ARHGAP15: variants seen among roughly 807,000 people sequenced by gnomAD.
ARHGAP15 encodes the protein rho GTPase-activating protein 15.
A neutral mutation model predicts 63.7 loss-of-function variants in ARHGAP15; 51 were observed. The ratio of observed to expected loss-of-function variants is 0.80; its 90% CI spans 0.64 to 1.01. ARHGAP15 has a LOEUF of 1.01. Ranked by LOEUF, ARHGAP15 falls within the 50% of genes least tolerant of loss-of-function variation. The probability of loss-of-function intolerance (pLI) is 0.00; values close to 1 mark genes in which losing one functional copy is unlikely to be tolerated. For missense variants in ARHGAP15, 560 were observed against 564.6 expected (o/e 0.99, Z 0.08); for synonymous variants, 191 against 193.8 (o/e 0.99, Z 0.12).
intron 6 of ARHGAP15, among the ~76,000 whole-genome samples, chr2:143,280,276 C>G (rs1681775984): frequency 6.6e-6 from 1 of 152,010 alleles, no homozygotes; most frequent in Non-Finnish European, 1.5e-5. Context: ...ACTCAATCTG[C>G]CAGGCATCAG....
chr2:143,602,381 G>T (rs1038934279), intron 11 of ARHGAP15, among the ~76,000 whole-genome samples: 7 of 152,138 alleles, frequency 4.6e-5, no homozygotes, highest in Admixed American at 3.3e-4. Context: ...GAGATGACCT[G>T]CTTGTTCCTG....
At chr2:143,385,449 T>A (rs1162650681) in intron 6 of ARHGAP15, among the ~76,000 whole-genome samples, 1 of 152,156 alleles carries the variant, frequency 6.6e-6, no homozygotes, top group Non-Finnish European at 1.5e-5. Flanking sequence ...AGGCATATGT[T>A]TTGAGAATTT....
At chr2:143,750,457 T>C (rs1686331067) in intron 13 of ARHGAP15, among the ~76,000 whole-genome samples, 1 of 152,178 alleles carries the variant, frequency 6.6e-6, no homozygotes, top group Non-Finnish European at 1.5e-5. Context: ...AAAAAAAATG[T>C]TTCTCTAGCT....
intron 6 of ARHGAP15, among the ~76,000 whole-genome samples, chr2:143,427,212 T>C (rs1689172265): frequency 6.6e-6 from 1 of 152,218 alleles, no homozygotes; most frequent in African/African-American, 2.4e-5. Flanking sequence ...CATCTTTTAT[T>C]CTTGTTGTAC....
intron 1 of ARHGAP15, among the ~76,000 whole-genome samples, chr2:143,134,885 C>G (rs1689075996): frequency 6.6e-6 from 1 of 151,896 alleles, no homozygotes; most frequent in Non-Finnish European, 1.5e-5. Context: ...GATCTGCCCA[C>G]CTTGACCTCC....
chr2:143,419,400 T>C (rs1688819513), intron 6 of ARHGAP15, among the ~76,000 whole-genome samples: 2 of 151,968 alleles, frequency 1.3e-5, no homozygotes, highest in South Asian at 4.1e-4. Context: ...AACAATCTCT[T>C]CTAAGAAAAA....
intron 2 of ARHGAP15, among the ~76,000 whole-genome samples, chr2:143,187,081 A>T (rs941780194): frequency 1.3e-5 from 2 of 152,186 alleles, no homozygotes; most frequent in East Asian, 3.8e-4. Context: ...AACAGCCAAG[A>T]GATTATTTTG....
intron 6 of ARHGAP15, among the ~76,000 whole-genome samples, chr2:143,411,612 G>C (rs1688449421): frequency 6.6e-6 from 1 of 152,136 alleles, no homozygotes; most frequent in Non-Finnish European, 1.5e-5. Context: ...ATGGCACTCA[G>C]TAATAACTTT....
At chr2:143,202,240 A>G (rs1692150259) in intron 3 of ARHGAP15, 38 bp downstream of exon 3, 1 of 1,533,390 alleles carries the variant, frequency 6.5e-7, no homozygotes, top group Non-Finnish European at 9.0e-7. Context: ...ATCTACTGAT[A>G]CAAAATAAAT....
At chr2:143,468,877 T>C (rs1691379887) in intron 8 of ARHGAP15, among the ~76,000 whole-genome samples, 1 of 152,102 alleles carries the variant, frequency 6.6e-6, no homozygotes, top group African/African-American at 2.4e-5. Context: ...ACAAAACCAG[T>C]CTATTCTGTA....
chr2:143,685,927 T>G lies in ARHGAP15; in HGVS notation c.1139-17492T>G, dbSNP rs566809453. The stretch of plus-strand genomic sequence containing the variant: ...ACAGTCTTCAAATCGAAATCTCTCT[T>G]GAGAAGCTGATGTTTACTTTAAAAA... On this transcript the variant is annotated intron_variant, in intron 12 of 13. Transcript: ENST00000295095. Among the ~76,000 whole-genome samples, 12 of 152,238 alleles carry G rather than the reference T, an allele frequency of 7.9e-5. 1 individual carries two copies. The South Asian group carries it at 2.5e-3, about 32-fold the overall frequency.
At chr2:143,215,279 C>A (rs374434036) in intron 3 of ARHGAP15, among the ~76,000 whole-genome samples, 1 of 151,906 alleles carries the variant, frequency 6.6e-6, no homozygotes, top group African/African-American at 2.4e-5. Context: ...TGGTTTTCTT[C>A]TTATTTTTTG....
At chr2:143,542,600 T>C (rs1695121554) in intron 10 of ARHGAP15, among the ~76,000 whole-genome samples, 1 of 146,982 alleles carries the variant, frequency 6.8e-6, no homozygotes, top group Non-Finnish European at 1.5e-5. Context: ...TATATGTGTA[T>C]ATGTGTGTGT....
intron 11 of ARHGAP15, among the ~76,000 whole-genome samples, chr2:143,588,332 T>G (rs1403049756): frequency 3.9e-5 from 6 of 152,198 alleles, no homozygotes. Context: ...CCAATTTGCT[T>G]TTGTGAGTAG....
Position 143,368,616 on chromosome 2 carries a change from A to G in ARHGAP15, c.475-66985A>G, listed in dbSNP as rs996062797. On this transcript the variant is annotated intron_variant, in intron 6 of 13. Transcript: ENST00000295095. ...TTAGAGTGGTAAAATAATAATATCA[A>G]TGAGACAGAATGAGGACACAAACTA... is the stretch of plus-strand genomic sequence containing the variant. Among the ~76,000 whole-genome samples the G allele has an allele frequency of 7.2e-5, 11 of 152,054 alleles. No homozygotes were observed. The South Asian group carries it at 8.3e-4, about 11-fold the overall frequency.
intron 6 of ARHGAP15, among the ~76,000 whole-genome samples, chr2:143,410,783 C>A (rs1236325400): frequency 2.0e-5 from 3 of 146,826 alleles, no homozygotes; most frequent in Non-Finnish European, 3.0e-5. Context: ...AGAAAGGTGA[C>A]ATTTGAGTAA....
chr2:143,207,804 T>G (rs1225949868), intron 3 of ARHGAP15, among the ~76,000 whole-genome samples: 1 of 152,206 alleles, frequency 6.6e-6, no homozygotes, highest in Non-Finnish European at 1.5e-5. Flanking sequence ...ACAGAAAATC[T>G]GATTGATTAT....
At chr2:143,641,134 G>T (rs1680577955) in intron 12 of ARHGAP15, 1 of 152,082 alleles carries the variant, frequency 6.6e-6, no homozygotes, top group Admixed American at 6.6e-5. Flanking sequence ...GACATAAGAG[G>T]GTCCATTACT....
At chr2:143,436,623 G>A (rs1426985125) in intron 7 of ARHGAP15, among the ~76,000 whole-genome samples, 2 of 151,924 alleles carry the variant, frequency 1.3e-5, no homozygotes, top group East Asian at 1.9e-4. Context: ...GCCTATTTTG[G>A]CCTCATTTTC....
Sources: allele counts gnomAD v4.1 joint callset (sites outside exome capture counted in the v4.1 genomes callset), GRCh38; gene constraint gnomAD v4.1.1; transcripts MANE v1.5; gene names NCBI Gene and HGNC (gene_info 2026-07-23, HGNC 2026-07-21).